The following RAPGEF4 variants were observed in gnomAD, a reference collection of about 807,000 sequenced individuals.
RAPGEF4 encodes the protein RAP guanine-nucleotide-exchange factor (GEF) 4.
A neutral mutation model predicts 147.9 loss-of-function variants in RAPGEF4; 66 were observed. The ratio of observed to expected loss-of-function variants is 0.45; its 90% CI spans 0.37 to 0.55. The LOEUF is 0.55. Ranked by LOEUF, RAPGEF4 falls within the 20% of genes least tolerant of loss-of-function variation. The pLI is 0.00. For synonymous variants in RAPGEF4, 419 were observed against 442.7 expected, an observed-to-expected ratio of 0.95 and a Z score of 0.67; for missense variants, 1,071 against 1,257.3, an observed-to-expected ratio of 0.85 and a Z score of 2.24.
At chr2:172,902,388 G>A (rs1421630066) in intron 4 of RAPGEF4, among the ~76,000 whole-genome samples, 2 of 151,934 alleles carry the variant, frequency 1.3e-5, no homozygotes, top group South Asian at 2.1e-4. Flanking sequence ...CTGCAGCCTC[G>A]ACCTCTTGAG....
intron 6 of RAPGEF4, among the ~76,000 whole-genome samples, chr2:172,945,589 C>T (rs919033849): frequency 6.6e-5 from 10 of 152,020 alleles, no homozygotes; most frequent in Middle Eastern, 3.2e-3. Flanking sequence ...AAAAGTCAAT[C>T]GAGTGCATTA....
At chr2:173,021,857 G>A (rs957173850) in intron 23 of RAPGEF4, among the ~76,000 whole-genome samples, 6 of 152,150 alleles carry the variant, frequency 3.9e-5, no homozygotes, top group African/African-American at 7.2e-5. Flanking sequence ...CACTTGGAGA[G>A]GAACTTAGCA....
intron 4 of RAPGEF4, among the ~76,000 whole-genome samples, chr2:172,877,875 A>G (rs1190373481): frequency 6.6e-6 from 1 of 152,190 alleles, no homozygotes; most frequent in Non-Finnish European, 1.5e-5. Flanking sequence ...ATGGTGCTGT[A>G]TAATTTTAAA....
At chr2:173,022,464 G>A (rs531142450) in intron 23 of RAPGEF4, among the ~76,000 whole-genome samples, 331 of 152,326 alleles carry the variant, frequency 2.2e-3, no homozygotes, top group Non-Finnish European at 3.4e-3. Context: ...ACATAACTGT[G>A]GACAATGAGC....
intron 6 of RAPGEF4, among the ~76,000 whole-genome samples, chr2:172,933,295 A>G (rs1381247896): frequency 1.3e-5 from 2 of 152,098 alleles, no homozygotes; most frequent in African/African-American, 4.8e-5. Context: ...TTGGAAATAG[A>G]GTCCATAGGA....
At chr2:173,021,953 A>T (rs1229300174) in intron 23 of RAPGEF4, among the ~76,000 whole-genome samples, 1 of 152,146 alleles carries the variant, frequency 6.6e-6, no homozygotes, top group Non-Finnish European at 1.5e-5. Context: ...GCCTTATAAG[A>T]TCTGAGTCTG....
intron 1 of RAPGEF4, among the ~76,000 whole-genome samples, chr2:172,738,803 C>T (rs1015189898): frequency 2.6e-5 from 4 of 151,914 alleles, no homozygotes; most frequent in African/African-American, 9.7e-5. Context: ...CAAGTGACAA[C>T]TGTTGTGGAT....
intron 4 of RAPGEF4, among the ~76,000 whole-genome samples, chr2:172,913,508 C>A (rs1158143675): frequency 1.3e-5 from 2 of 152,186 alleles, no homozygotes; most frequent in Non-Finnish European, 2.9e-5. Flanking sequence ...GGTGACTTGG[C>A]TAGCTGGGAG....
At chr2:172,921,985 T>C (rs1043572100) in intron 5 of RAPGEF4, among the ~76,000 whole-genome samples, 4 of 152,202 alleles carry the variant, frequency 2.6e-5, no homozygotes, top group African/African-American at 9.6e-5. Flanking sequence ...GTTGTTTTCA[T>C]GGTGAGAATG....
intron 1 of RAPGEF4, among the ~76,000 whole-genome samples, chr2:172,780,914 A>G (rs1007263547): frequency 5.9e-5 from 9 of 152,106 alleles, no homozygotes; most frequent in Non-Finnish European, 1.2e-4. Flanking sequence ...ATTTACATCT[A>G]TTTACTGTGT....
intron 27 of RAPGEF4, 39 bp from the exon 28 acceptor site, chr2:173,036,086 G>A (rs750166225): frequency 6.9e-7 from 1 of 1,452,048 alleles, no homozygotes; most frequent in South Asian, 1.1e-5. Context: ...TGGTGTATCT[G>A]TCACCAGTCA....
At chr2:172,743,734 C>T (rs899963301) in intron 1 of RAPGEF4, among the ~76,000 whole-genome samples, 1 of 152,106 alleles carries the variant, frequency 6.6e-6, no homozygotes, top group African/African-American at 2.4e-5. Context: ...TCTTGCTTTA[C>T]CCGTGTATTT....
intron 6 of RAPGEF4, among the ~76,000 whole-genome samples, chr2:172,934,930 A>T (rs989795414): frequency 6.6e-6 from 1 of 152,144 alleles, no homozygotes; most frequent in Non-Finnish European, 1.5e-5. Context: ...CAATCCCAGC[A>T]CTTTGGGAGG....
intron 3 of RAPGEF4, among the ~76,000 whole-genome samples, chr2:172,803,239 A>G (rs539083058): frequency 3.9e-5 from 6 of 152,168 alleles, no homozygotes; most frequent in Non-Finnish European, 7.4e-5. Context: ...GACGTTCTCC[A>G]TGAAAGCCCT....
At chr2:172,904,001 G>C (rs1057130433) in intron 4 of RAPGEF4, among the ~76,000 whole-genome samples, 1 of 152,070 alleles carries the variant, frequency 6.6e-6, no homozygotes, top group Non-Finnish European at 1.5e-5. Flanking sequence ...CAAGATGATG[G>C]TAGTTTGCTC....
intron 10 of RAPGEF4, among the ~76,000 whole-genome samples, chr2:172,976,278 G>T (rs1691057472): frequency 1.3e-5 from 2 of 152,144 alleles, no homozygotes; most frequent in Admixed American, 1.3e-4. Flanking sequence ...CAGTCACCAG[G>T]TTCCTGGAAT....
chr2:172,867,012 G>A (rs1313343282), intron 4 of RAPGEF4, among the ~76,000 whole-genome samples: 1 of 151,144 alleles, frequency 6.6e-6, no homozygotes, highest in Non-Finnish European at 1.5e-5. Flanking sequence ...AGGCTGCCAG[G>A]CTGGAGTGCA....
At chr2:172,812,402 A>G (rs1402689564) in intron 3 of RAPGEF4, among the ~76,000 whole-genome samples, 1 of 152,184 alleles carries the variant, frequency 6.6e-6, no homozygotes, top group Non-Finnish European at 1.5e-5. Flanking sequence ...GTTGTATGTG[A>G]TAAAGGCATG....
At chr2:172,889,535 T>C (rs1013528015) in intron 4 of RAPGEF4, among the ~76,000 whole-genome samples, 1 of 152,088 alleles carries the variant, frequency 6.6e-6, no homozygotes, top group Non-Finnish European at 1.5e-5. Context: ...ACAGAGGTCA[T>C]TTCTTCTAGT....
Sources: allele counts gnomAD v4.1 joint callset (sites outside exome capture counted in the v4.1 genomes callset), GRCh38; gene constraint gnomAD v4.1.1; transcripts MANE v1.5; gene names NCBI Gene and HGNC (gene_info 2026-07-23, HGNC 2026-07-21).